The following PLCZ1 variants were observed in gnomAD, a reference collection of about 807,000 sequenced individuals.
The protein encoded by PLCZ1 is 1-phosphatidylinositol 4,5-bisphosphate phosphodiesterase zeta-1.
In PLCZ1, 64 loss-of-function variants were observed where a neutral mutation model predicts 76.8. That is an observed-to-expected ratio of 0.83 (90% confidence interval 0.68 to 1.03). PLCZ1 has a LOEUF of 1.03. Among genes scored for constraint, PLCZ1 ranks in the 50% least tolerant of loss-of-function variants. The pLI is 0.00. For synonymous variants in PLCZ1, 248 were observed against 230.8 expected (o/e 1.07, Z -0.68); for missense variants, 751 against 713.7 (o/e 1.05, Z -0.60).
intron 7 of PLCZ1, among the ~76,000 whole-genome samples, chr12:18,704,647 A>G (rs1956372153): frequency 6.6e-6 from 1 of 152,028 alleles, no homozygotes; most frequent in Admixed American, 6.6e-5. Context: ...AGTAATAAAG[A>G]GACAGCCAGA....
chr12:18,668,461 G>C, the PLCZ1 span, among the ~76,000 whole-genome samples: 1 of 152,154 alleles, frequency 6.6e-6, no homozygotes, highest in Non-Finnish European at 1.5e-5. Flanking sequence ...GGAGCACCAA[G>C]GTGAGACAAG....
chr12:18,706,008 C>G (rs1008364693), intron 6 of PLCZ1, among the ~76,000 whole-genome samples: 6 of 152,032 alleles, frequency 3.9e-5, no homozygotes, highest in African/African-American at 1.4e-4. Context: ...GGGTGGATCA[C>G]CTGGGGTCAG....
chr12:18,721,401 G>A (rs537051654), intron 4 of PLCZ1, among the ~76,000 whole-genome samples: 1 of 151,992 alleles, frequency 6.6e-6, no homozygotes, highest in South Asian at 2.1e-4. Flanking sequence ...GAAATGCAAG[G>A]TCCTGGCTGT....
At chr12:18,729,378 A>G (rs1031926589) in intron 3 of PLCZ1, among the ~76,000 whole-genome samples, 1 of 152,074 alleles carries the variant, frequency 6.6e-6, no homozygotes, top group Non-Finnish European at 1.5e-5. Flanking sequence ...GATTCCCTGT[A>G]TTACCCACGA....
At position 18,712,847 on chromosome 12, in the gene PLCZ1, A is replaced by G. The variant is rs746532758; in HGVS notation, c.709T>C (p.Phe237Leu). 2 of 1,613,750 alleles carry G rather than the reference A, an allele frequency of 1.2e-6. No individual in the cohort carries two copies. The highest frequency in any genetic ancestry group is 1.7e-4 in the Middle Eastern group (1 of 6,056). Residue 237 changes from phenylalanine to leucine, a missense_variant, in exon 6 of 15, where the codon TTC becomes CTC. Phe to Leu is a conservative substitution (Grantham distance 22, BLOSUM62 0). Transcript: ENST00000266505. ...GAACAAAGATATGTACATACCATGA[A>G]TGCATACTTGTGTATAGCTTGGATA... ...TVIQAIHKYAFMTSDYPVVLS... is the reference protein window; with the variant it reads ...TVIQAIHKYALMTSDYPVVLS...
At chr12:18,686,893 C>T (rs1953235351) in intron 13 of PLCZ1, among the ~76,000 whole-genome samples, 1 of 151,910 alleles carries the variant, frequency 6.6e-6, no homozygotes, top group Non-Finnish European at 1.5e-5. Flanking sequence ...CAAGGATATT[C>T]CCATAAAATC....
At chr12:18,691,009 A>T (rs1042362401) in intron 12 of PLCZ1, among the ~76,000 whole-genome samples, 5 of 152,188 alleles carry the variant, frequency 3.3e-5, no homozygotes, top group African/African-American at 1.2e-4. Context: ...ATAGATATGG[A>T]GGACTGAGAC....
chr12:18,718,015 C>A (rs1958178003), intron 5 of PLCZ1, among the ~76,000 whole-genome samples: 1 of 152,030 alleles, frequency 6.6e-6, no homozygotes, highest in African/African-American at 2.4e-5. Context: ...GGTAAACAAC[C>A]AAAACTCTAT....
At chr12:18,659,404 C>T in the PLCZ1 span, among the ~76,000 whole-genome samples, 67,117 of 151,838 alleles carry the variant, frequency 0.44, 15,340 homozygotes, top group South Asian at 0.57. Flanking sequence ...TGGGATTAAG[C>T]GGCTGACCTG....
intron 4 of PLCZ1, among the ~76,000 whole-genome samples, chr12:18,722,890 C>T (rs912152163): frequency 1.3e-5 from 2 of 151,544 alleles, no homozygotes; most frequent in Admixed American, 6.6e-5. Context: ...TTTCATTTAG[C>T]ACATTTAATT....
At chr12:18,697,860 T>G (rs2137210302) in intron 10 of PLCZ1, among the ~76,000 whole-genome samples, 1 of 147,882 alleles carries the variant, frequency 6.8e-6, no homozygotes, top group African/African-American at 2.6e-5. Flanking sequence ...AAGTTAAACC[T>G]TTGCAGACAT....
At chr12:18,720,405 T>C (rs7963999) in intron 4 of PLCZ1, among the ~76,000 whole-genome samples, 144,870 of 151,132 alleles carry the variant, frequency 0.96, 69,523 homozygotes, top group East Asian at 1. Flanking sequence ...GGGTCATTTG[T>C]ATCTGATCAT....
chr12:18,664,639 C>A, the PLCZ1 span, among the ~76,000 whole-genome samples: 1 of 151,966 alleles, frequency 6.6e-6, no homozygotes, highest in Admixed American at 6.6e-5. Context: ...CCATTTGACC[C>A]AGCCATCCCA....
chr12:18,699,841 T>C lies in PLCZ1; in HGVS notation c.1127A>G (p.Asn376Ser). 2 of 1,613,562 alleles carry C rather than the reference T, an allele frequency of 1.2e-6. No homozygotes were observed. The highest frequency in any genetic ancestry group is 1.7e-6 in the Non-Finnish European group (2 of 1,179,728). Residue 376 changes from asparagine (N) to serine (S), a missense_variant, in exon 10 of 15, where the codon AAT (asparagine) becomes AGT (serine). Physicochemically the swap from Asn to Ser is conservative, Grantham distance 46. Coordinates refer to ENST00000266505, the MANE Select transcript of PLCZ1 (RefSeq NM_033123.4). ...HSRLYQQFNENNSIGETQARK... is the reference protein window; with the variant it reads ...HSRLYQQFNESNSIGETQARK... Reference sequence around the variant, plus strand: ...GGCTTGTGTCTCCCCAATAGAATTATTTTCATTAAATTGCTGATATAATCT... The same window carrying C: ...GGCTTGTGTCTCCCCAATAGAATTACTTTCATTAAATTGCTGATATAATCT...
At chr12:18,666,406 T>C in the PLCZ1 span, among the ~76,000 whole-genome samples, 1 of 152,066 alleles carries the variant, frequency 6.6e-6, no homozygotes, top group Non-Finnish European at 1.5e-5. Flanking sequence ...TTTATGCAAA[T>C]AGTCTCAAAA....
At chr12:18,700,512 C>CAA (rs11324526) in intron 9 of PLCZ1, among the ~76,000 whole-genome samples, 3,796 of 67,680 alleles carry the variant, frequency 0.056, 512 homozygotes, top group African/African-American at 0.065. Context: ...AGCCAACGTA[C>CAA]AAAAAAAAAA....
At chr12:18,669,820 G>T in the PLCZ1 span, among the ~76,000 whole-genome samples, 2 of 152,060 alleles carry the variant, frequency 1.3e-5, no homozygotes, top group African/African-American at 4.8e-5. Flanking sequence ...ACCATGCCTG[G>T]CTAATTTTTG....
At chr12:18,664,838 T>G in the PLCZ1 span, among the ~76,000 whole-genome samples, 1 of 151,562 alleles carries the variant, frequency 6.6e-6, no homozygotes. Context: ...CAAAAAATGA[T>G]GAGTTCATGT....
intron 4 of PLCZ1, 31 bp from the exon 5 acceptor site, chr12:18,719,663 G>A: frequency 1.3e-6 from 2 of 1,481,736 alleles, no homozygotes; most frequent in Non-Finnish European, 1.8e-6. Flanking sequence ...AAGTTAAAAG[G>A]ATGCAAAAAT....
Sources: allele counts gnomAD v4.1 joint callset (sites outside exome capture counted in the v4.1 genomes callset), GRCh38; gene constraint gnomAD v4.1.1; transcripts MANE v1.5; gene names NCBI Gene and HGNC (gene_info 2026-07-23, HGNC 2026-07-21).